Variants in DPYD observed in about 807,000 individuals in gnomAD.
DPYD encodes dihydropyrimidine dehydrogenase.
Under a neutral mutation model 116.2 loss-of-function variants are expected in DPYD, and 109 were observed. The ratio of observed to expected loss-of-function variants is 0.94; its 90% CI spans 0.80 to 1.10. DPYD has a LOEUF of 1.10. Among genes scored for constraint, DPYD ranks in the 50% least tolerant of loss-of-function variants. The pLI, the probability that DPYD is intolerant of heterozygous loss-of-function variation, is 0.00. For synonymous variants in DPYD, 440 were observed against 432.0 expected (o/e 1.02, Z -0.23); for missense variants, 1,302 against 1,254.5 (o/e 1.04, Z -0.57).
chr1:97,152,772 T>C (rs1402981943), intron 20 of DPYD, among the ~76,000 whole-genome samples: 2 of 151,782 alleles, frequency 1.3e-5, no homozygotes, highest in East Asian at 1.9e-4. Context: ...CTCTCAGGTA[T>C]AGCATACCTG....
chr1:97,907,726 T>G (rs984439524), intron 1 of DPYD, among the ~76,000 whole-genome samples: 2 of 152,058 alleles, frequency 1.3e-5, no homozygotes, highest in Non-Finnish European at 2.9e-5. Context: ...TTGTCCTTCC[T>G]CTTTCCTTCC....
At chr1:97,738,847 T>G (rs1172047640) in intron 4 of DPYD, among the ~76,000 whole-genome samples, 3 of 152,138 alleles carry the variant, frequency 2.0e-5, no homozygotes. Flanking sequence ...AAAGTGGATT[T>G]CCAAAAATAG....
intron 12 of DPYD, among the ~76,000 whole-genome samples, chr1:97,536,247 T>C (rs1649988319): frequency 6.6e-6 from 1 of 152,188 alleles, no homozygotes; most frequent in Non-Finnish European, 1.5e-5. Flanking sequence ...TTCAATATTA[T>C]TTTTTGGAGG....
chr1:97,583,650 CTTT>C (rs375866957), intron 10 of DPYD, among the ~76,000 whole-genome samples: 30 of 132,498 alleles, frequency 2.3e-4, no homozygotes, highest in Non-Finnish European at 3.2e-4. Flanking sequence ...CTCGTATTTC[CTTT>C]TTTTTTTTTT....
intron 1 of DPYD, among the ~76,000 whole-genome samples, chr1:97,884,130 T>C (rs1045460497): frequency 2.8e-4 from 43 of 152,148 alleles, no homozygotes; most frequent in African/African-American, 9.4e-4. Flanking sequence ...ACAGCTTACA[T>C]TAATAGACTA....
At chr1:97,778,214 GA>G in intron 3 of DPYD, among the ~76,000 whole-genome samples, 2 of 132,288 alleles carry the variant, frequency 1.5e-5, no homozygotes, top group Non-Finnish European at 3.2e-5. Flanking sequence ...GAGAGAGAGA[GA>G]GAGAGGGAGG....
intron 8 of DPYD, among the ~76,000 whole-genome samples, chr1:97,615,261 C>T (rs574055997): frequency 2.6e-4 from 39 of 152,204 alleles, no homozygotes; most frequent in Admixed American, 1.7e-3. Flanking sequence ...TCTTCATTTT[C>T]TTCTCCAAAT....
chr1:97,662,758 GA>G (rs763540012), intron 8 of DPYD, among the ~76,000 whole-genome samples: 61 of 152,256 alleles, frequency 4.0e-4, no homozygotes, highest in Non-Finnish European at 7.8e-4. Flanking sequence ...ATGATCTGGT[GA>G]AAATAAGGAT....
intron 13 of DPYD, among the ~76,000 whole-genome samples, chr1:97,450,881 CTTG>C (rs1254683392): frequency 7.9e-5 from 12 of 152,034 alleles, no homozygotes; most frequent in African/African-American, 2.7e-4. Context: ...AATTAACTTG[CTTG>C]TTAAGTGTAA....
chr1:97,486,140 G>T (rs1160488861), intron 13 of DPYD, among the ~76,000 whole-genome samples: 1 of 151,430 alleles, frequency 6.6e-6, no homozygotes, highest in African/African-American at 2.4e-5. Context: ...CATTGTTATT[G>T]TCTATCCAGT....
At chr1:97,560,486 C>G (rs1032588055) in intron 11 of DPYD, among the ~76,000 whole-genome samples, 1 of 150,924 alleles carries the variant, frequency 6.6e-6, no homozygotes, top group East Asian at 1.9e-4. Flanking sequence ...ACAAGCTATT[C>G]TTCCCAGGTG....
At chr1:97,905,305 T>C (rs950984389) in intron 1 of DPYD, among the ~76,000 whole-genome samples, 2 of 151,976 alleles carry the variant, frequency 1.3e-5, no homozygotes, top group African/African-American at 4.8e-5. Context: ...CATATCCTTG[T>C]CATTATATTT....
At chr1:97,434,177 T>C (rs191618265) in intron 14 of DPYD, among the ~76,000 whole-genome samples, 2 of 152,250 alleles carry the variant, frequency 1.3e-5, no homozygotes, top group Admixed American at 1.3e-4. Context: ...ATCTGGTTAC[T>C]TCCCTAAATT....
At chr1:97,202,183 G>A (rs559398069) in intron 19 of DPYD, among the ~76,000 whole-genome samples, 2 of 152,216 alleles carry the variant, frequency 1.3e-5, no homozygotes, top group South Asian at 2.1e-4. Context: ...AAAAATTGCC[G>A]AAATGGATAA....
chr1:97,685,662 C>T (rs772519939), intron 7 of DPYD, among the ~76,000 whole-genome samples: 3 of 152,140 alleles, frequency 2.0e-5, no homozygotes, highest in Non-Finnish European at 2.9e-5. Context: ...AGTCAGCGTG[C>T]AAAAACCACT....
chr1:97,574,119 G>C (rs1242886621), intron 10 of DPYD, 149 bp from the exon 11 acceptor site: 1 of 1,363,360 alleles, frequency 7.3e-7, no homozygotes, highest in Non-Finnish European at 9.9e-7. Context: ...TCAGTTACCA[G>C]TTATTTGCAT....
intron 21 of DPYD, among the ~76,000 whole-genome samples, chr1:97,085,470 G>A (rs1448703608): frequency 2.0e-5 from 3 of 152,156 alleles, no homozygotes; most frequent in Non-Finnish European, 2.9e-5. Flanking sequence ...AGCACATGGT[G>A]TTAACAATTC....
chr1:97,899,813 A>C (rs1673272971), intron 1 of DPYD, among the ~76,000 whole-genome samples: 1 of 151,988 alleles, frequency 6.6e-6, no homozygotes, highest in Non-Finnish European at 1.5e-5. Context: ...GAAAAAGTTA[A>C]CTTATCACAG....
At chr1:97,221,012 C>G (rs1210933246) in intron 19 of DPYD, among the ~76,000 whole-genome samples, 2 of 152,120 alleles carry the variant, frequency 1.3e-5, no homozygotes, top group African/African-American at 4.8e-5. Flanking sequence ...AGCCAGTCTT[C>G]TAGAAATCTC....
Sources: gnomAD v4.1 joint callset for allele counts (sites outside exome capture counted in the v4.1 genomes callset) on GRCh38, gnomAD v4.1.1 for gene constraint, MANE v1.5 for transcripts, NCBI Gene and HGNC (gene_info 2026-07-23, HGNC 2026-07-21) for gene names.